NOTCH4: variants seen among roughly 807,000 people sequenced by gnomAD.
The protein encoded by NOTCH4 is notch receptor 4.
In NOTCH4, 138 loss-of-function variants were observed where a neutral mutation model predicts 189.0. The observed-to-expected ratio is 0.73, with a 90% CI of 0.64 to 0.84. NOTCH4 has a LOEUF of 0.84. Ranked by LOEUF, NOTCH4 falls within the 40% of genes least tolerant of loss-of-function variation. NOTCH4 has a pLI of 0.00. For missense variants in NOTCH4, 2,286 were observed against 2,605.4 expected (o/e 0.88, Z 2.67); for synonymous variants, 942 against 1,032.8 (o/e 0.91, Z 1.69).
Position 32,200,945 on chromosome 6 carries a change from A to C in NOTCH4, c.4201T>G (p.Cys1401Gly). The C allele has an allele frequency of 6.2e-7, 1 of 1,606,266 alleles. No individual in the cohort carries two copies. The highest frequency in any genetic ancestry group is 8.5e-7 in the Non-Finnish European group (1 of 1,176,632). ...AGTAGAAGCCCAGGGTCCCAGGGACAGCGGGATGCCGGGTGGTCAGGGCCA... is the reference window on the plus strand; with the variant it reads ...AGTAGAAGCCCAGGGTCCCAGGGACCGCGGGATGCCGGGTGGTCAGGGCCA... The part of the protein sequence containing the change: ...RCGPDHPASR[C>G]PWDPGLLLRF... The change falls in exon 23 of 30, where the codon TGT (cysteine) becomes GGT (glycine). Residue 1401 changes from cysteine (C) to glycine (G), a missense_variant. This residue lies in a region of NOTCH4 where 1,903 missense variants were observed against 2,261.9 expected (regional missense o/e 0.84). Coordinates refer to ENST00000375023, the MANE Select transcript of NOTCH4 (RefSeq NM_004557.4). The surrounding 1 kb of genome is among the most constrained non-coding windows in gnomAD (Gnocchi z 5.0).
rs1561921739 is a variant in NOTCH4, at chr6:32,202,687, A to G, written c.3232-88T>C. 1.6e-6 allele frequency: 2 copies of G among 1,290,310 alleles called. No homozygotes were observed. Among genetic ancestry groups the G allele is most frequent in the East Asian group, 2.5e-5 (1 of 39,986 alleles). The allele number at this position is 1,290,310 out of a possible 1,614,324, so 79.9% of individuals were successfully genotyped here. On this transcript the variant is annotated intron_variant, in intron 20 of 29. Transcript: ENST00000375023. The surrounding 1 kb of genome is among the most constrained non-coding windows in gnomAD (Gnocchi z 5.7). The stretch of plus-strand genomic sequence containing the variant: ...GCAAACTCTTGGGTTAAGACGGTGC[A>G]GAGGGTCCTAGATTCTCATATCTAA...
Position 32,222,497 on chromosome 6 carries a change from C to T in NOTCH4, c.451+14G>A. 1 of 1,502,188 alleles carries T rather than the reference C, an allele frequency of 6.7e-7. No homozygotes were observed. The highest frequency in any genetic ancestry group is 1.4e-5 in the African/African-American group (1 of 70,748). 93.1% of individuals were successfully genotyped at this position (1,502,188 alleles called of 1,614,324 possible). The stretch of plus-strand genomic sequence containing the variant: ...CCTGCCTGTCCCCTCCTGGCTGCCC[C>T]CAGCAGCGCTTACCTGTCCATCCAG... On this transcript the variant is annotated intron_variant, in intron 3 of 29. Transcript: ENST00000375023.
chr6:32,196,311 T>A lies in NOTCH4; in HGVS notation c.5298+13A>T. The A allele has an allele frequency of 6.2e-7, 1 of 1,613,162 alleles. No individual in the cohort carries two copies. Among genetic ancestry groups the A allele is most frequent in the Non-Finnish European group, 8.5e-7 (1 of 1,180,040 alleles). On this transcript the variant is annotated intron_variant, in intron 29 of 29. Transcript: ENST00000375023. Reference sequence around the variant, plus strand: ...CCTGACTGTTTTGTGGGAAGCCCTCTGTCCCATCTAACCCTGTTGTCCTGG... The same window carrying A: ...CCTGACTGTTTTGTGGGAAGCCCTCAGTCCCATCTAACCCTGTTGTCCTGG...
In NOTCH4 at chr6:32,214,238, T is replaced by TCA. The variant is rs760466471; in HGVS notation, c.2037_2038dup (p.Asp680ValfsTer14). 1 of 1,613,300 alleles carries TCA rather than the reference T, an allele frequency of 6.2e-7. No homozygotes were observed. The highest frequency in any genetic ancestry group is 8.5e-7 in the Non-Finnish European group (1 of 1,179,736). ...ACACTCTGGCCCCGTCCAACCCACG[T>TCA]CACACACACATGAGGATCTGGTTGT... On this transcript the variant is annotated frameshift_variant, in exon 13 of 30. Coordinates refer to ENST00000375023, the MANE Select transcript of NOTCH4 (RefSeq NM_004557.4). LOFTEE classifies it high-confidence loss of function.
At chr6:32,211,422 T>G (rs1161621483) in intron 17 of NOTCH4, among the ~76,000 whole-genome samples, 1 of 146,648 alleles carries the variant, frequency 6.8e-6, no homozygotes, top group Non-Finnish European at 1.5e-5. Flanking sequence ...AAACCCCATC[T>G]CTACTAAAAA....
rs1044476002 is a variant in NOTCH4 at position 32,217,582 on chromosome 6, C to T, written c.1625-316G>A. On this transcript the variant is annotated intron_variant, in intron 9 of 29. Coordinates refer to ENST00000375023, the MANE Select transcript of NOTCH4 (RefSeq NM_004557.4). The surrounding 1 kb of genome is among the most constrained non-coding windows in gnomAD (Gnocchi z 4.2). ...ACATAACGCCTGAAAAGTACTCAGC[C>T]AAATGGCTAGCCTGGAGTAAGTGGT... is the stretch of plus-strand genomic sequence containing the variant. Among the ~76,000 whole-genome samples, 4 of 152,166 alleles carry T rather than the reference C, an allele frequency of 2.6e-5. No individual in the cohort carries two copies. Among genetic ancestry groups the T allele is most frequent in the African/African-American group, 9.7e-5 (4 of 41,426 alleles).
chr6:32,201,133 C>T lies in NOTCH4; in HGVS notation c.4123G>A (p.Asp1375Asn), dbSNP rs1220425760. The T allele has an allele frequency of 4.5e-5, 73 of 1,610,704 alleles. No individual in the cohort carries two copies. Among genetic ancestry groups the T allele is most frequent in the Non-Finnish European group, 5.9e-5 (69 of 1,178,700 alleles). ...PQTQPLGKET[D>N]SLSAGFVVVM... ...GCTTCTTACCCAGCACTGAGGGAGT[C>T]GGTCTCCTTGCCCAGGGGCTGCGTT... Residue 1375 changes from aspartate (D) to asparagine (N), a missense_variant, in exon 22 of 30, where the codon GAC (aspartate) becomes AAC (asparagine). This residue lies in a region of NOTCH4 where 1,903 missense variants were observed against 2,261.9 expected (regional missense o/e 0.84). Coordinates refer to ENST00000375023, the MANE Select transcript of NOTCH4 (RefSeq NM_004557.4). The surrounding 1 kb of genome is among the most constrained non-coding windows in gnomAD (Gnocchi z 5.5).
rs8192571 is a variant in NOTCH4, at chr6:32,202,487, G to T, written c.3344C>A (p.Ala1115Asp). ...SPKPGFPPRC[A>D]CLSGYGGPDC... ...AGGACCCCCATAGCCACTGAGGCAG[G>T]CACAGCGTGGTGGGAAGCCTGGCTT... is the stretch of plus-strand genomic sequence containing the variant. The change falls in exon 21 of 30, where the codon GCC (alanine) becomes GAC (aspartate). Residue 1115 changes from alanine (A) to aspartate (D), a missense_variant. Physicochemically the swap from Ala to Asp is moderately radical, Grantham distance 126. Coordinates refer to ENST00000375023, the MANE Select transcript of NOTCH4 (RefSeq NM_004557.4). This position sits in a 1 kb window ranked among gnomAD's most constrained non-coding sequence, Gnocchi z 5.7. 1.2e-3 allele frequency: 1,977 copies of T among 1,612,600 alleles called. 3 individuals carry two copies. Among genetic ancestry groups the T allele is most frequent in the Middle Eastern group, 4.3e-3 (26 of 6,056 alleles).
Position 32,196,906 on chromosome 6 carries a change from C to T in NOTCH4, c.5200+19G>A. 3 of 1,612,704 alleles carry T rather than the reference C, an allele frequency of 1.9e-6. No individual in the cohort carries two copies. The highest frequency in any genetic ancestry group is 2.5e-6 in the Non-Finnish European group (3 of 1,179,948). On this transcript the variant is annotated intron_variant, in intron 28 of 29. Coordinates refer to ENST00000375023, the MANE Select transcript of NOTCH4 (RefSeq NM_004557.4). ...TGCTCAACTTCTCTATAGCATACAT[C>T]ACCCCTTCCTCTACATACCCCATTT...
At chr6:32,218,335 C>G (rs992478789) in intron 8 of NOTCH4, among the ~76,000 whole-genome samples, 1 of 152,190 alleles carries the variant, frequency 6.6e-6, no homozygotes, top group African/African-American at 2.4e-5. Context: ...TGCTGGGGAC[C>G]TGCGGGAGGA....
intron 20 of NOTCH4, 166 bp downstream of exon 20, chr6:32,203,604 C>T: frequency 1.7e-6 from 1 of 587,220 alleles, no homozygotes; most frequent in Non-Finnish European, 3.0e-6. Flanking sequence ...TCCTGCCTTG[C>T]CTTTGACTGC....
chr6:32,208,657 C>T (rs545116358), intron 18 of NOTCH4, among the ~76,000 whole-genome samples: 1 of 152,294 alleles, frequency 6.6e-6, no homozygotes, highest in South Asian at 2.1e-4. Context: ...TCGCTTGAAT[C>T]TGGGAGGCAG....
Position 32,202,010 on chromosome 6 carries a change from CTACG to C in NOTCH4, c.3755+62_3755+65del. ...TGGCCACACTGTAACTCAGAGCCAT[CTACG>C]TCCTTCCTCCTCCTCTCACCCACCC... On this transcript the variant is annotated intron_variant, in intron 21 of 29. Coordinates refer to ENST00000375023, the MANE Select transcript of NOTCH4 (RefSeq NM_004557.4). The surrounding 1 kb of genome is among the most constrained non-coding windows in gnomAD (Gnocchi z 5.7). 3 of 1,394,264 alleles carry C rather than the reference CTACG, an allele frequency of 2.2e-6. No individual in the cohort carries two copies. Among genetic ancestry groups the C allele is most frequent in the Non-Finnish European group, 2.8e-6 (3 of 1,060,926 alleles). 86.4% of individuals were successfully genotyped at this position (1,394,264 alleles called of 1,614,324 possible).
At position 32,196,369 on chromosome 6, in the gene NOTCH4, GCGGGCGGCT is replaced by G. The variant is rs1374498427; in HGVS notation, c.5244_5252del (p.Ala1749_Arg1751del). 6.2e-7 allele frequency: 1 copy of G among 1,613,160 alleles called. No individual in the cohort carries two copies. Among genetic ancestry groups the G allele is most frequent in the Non-Finnish European group, 8.5e-7 (1 of 1,180,048 alleles). The stretch of plus-strand genomic sequence containing the variant: ...TATCGGCTCCGGCCTGGAGAAGCGA[GCGGGCGGCT>G]CGGGCGTTGTTCACGGCAGCAGCCC... On this transcript the variant is annotated inframe_deletion, in exon 29 of 30. Coordinates refer to ENST00000375023, the MANE Select transcript of NOTCH4 (RefSeq NM_004557.4).
chr6:32,214,253 G>A lies in NOTCH4; in HGVS notation c.2024C>T (p.Ser675Phe), dbSNP rs1450662001. The A allele has an allele frequency of 3.1e-6, 5 of 1,612,784 alleles. No individual in the cohort carries two copies. In the African/African-American group the frequency reaches 6.7e-5, roughly 22 times the overall value. The change falls in exon 13 of 30, where the codon TCC (serine) becomes TTC (phenylalanine). Residue 675 changes from serine to phenylalanine, a missense_variant and splice_region_variant. By Grantham distance (155) the Ser-to-Phe change is radical. Transcript: ENST00000375023. ...CTCHHGHCQR[S>F]SCVCDVGWTG... is the part of the protein sequence containing the mutation. ...CCAACCCACGTCACACACACATGAG[G>A]ATCTGGTTGTAAAGAGAAAGGGGAG...
chr6:32,220,901 G>A (rs8192588), intron 4 of NOTCH4, 23 bp from the exon 5 acceptor site: 31,976 of 1,610,052 alleles, frequency 0.02, 468 homozygotes, highest in Non-Finnish European at 0.021. Flanking sequence ...TGGATCAGCT[G>A]TGGGAGGAGG....
rs1273475783 is a variant in NOTCH4, at chr6:32,199,314, C to G, written c.4316-169G>C. 6.6e-6 allele frequency among the ~76,000 whole-genome samples: 1 copy of G among 152,216 alleles called. No individual in the cohort carries two copies. The highest frequency in any genetic ancestry group is 1.5e-5 in the Non-Finnish European group (1 of 68,044). On this transcript the variant is annotated intron_variant, in intron 23 of 29. Transcript: ENST00000375023. The surrounding 1 kb of genome is among the most constrained non-coding windows in gnomAD (Gnocchi z 4.9). ...GGGCACAGTGGCTCATGCCTGTAAT[C>G]CCAGCACTTTGGGAAGCTGAGGCAG...
At position 32,195,770 on chromosome 6, in the gene NOTCH4, G is replaced by C. The variant is rs1212125596; in HGVS notation, c.5679C>G (p.Ala1893=). ...SVDLAARGGG[A]YSHCRSLSGV... The stretch of plus-strand genomic sequence containing the variant: ...CCGAGAGGCTCCGGCAATGAGAATA[G>C]GCCCCGCCCCCCCGCGCAGCCAAGT... The change falls in exon 30 of 30, where the codon GCC becomes GCG. Residue 1893 remains alanine (A), a synonymous_variant. Coordinates refer to ENST00000375023, the MANE Select transcript of NOTCH4 (RefSeq NM_004557.4). The surrounding 1 kb of genome is among the most constrained non-coding windows in gnomAD (Gnocchi z 5.4). 2 of 1,609,524 alleles carry C rather than the reference G, an allele frequency of 1.2e-6. No homozygotes were observed. The highest frequency in any genetic ancestry group is 3.3e-5 in the Admixed American group (2 of 59,962).
Position 32,223,881 on chromosome 6 carries a change from TAGCAGC to T in NOTCH4, c.42_47del (p.Leu15_Leu16del), listed in dbSNP as rs35795312. 484 of 1,574,226 alleles carry T rather than the reference TAGCAGC, an allele frequency of 3.1e-4. 2 individuals are homozygous for T. Among genetic ancestry groups the T allele is most frequent in the Middle Eastern group, 1.5e-3 (9 of 5,866 alleles). On this transcript the variant is annotated inframe_deletion, in exon 1 of 30. Transcript: ENST00000375023. ...CTCTGGGTCTGACCACTGAGACACA[TAGCAGC>T]AGCAGCAGCAGCAGCAGCAGCAGCA...
Sources: gnomAD v4.1 joint callset for allele counts (sites outside exome capture counted in the v4.1 genomes callset) on GRCh38, gnomAD v4.1.1 for gene constraint, gnomAD v4.1.1 regional missense constraint, Gnocchi (gnomAD v3.1) non-coding constraint, MANE v1.5 for transcripts, NCBI Gene and HGNC (gene_info 2026-07-23, HGNC 2026-07-21) for gene names.